The following DIAPH2 variants were observed in gnomAD, a reference collection of about 807,000 sequenced individuals.
The protein encoded by DIAPH2 is diaphanous related formin 2.
Under a neutral mutation model 92.7 loss-of-function variants are expected in DIAPH2, and 35 were observed. That is an observed-to-expected ratio of 0.38 (90% CI 0.29 to 0.50). DIAPH2 has a LOEUF of 0.50. Among genes scored for constraint, DIAPH2 ranks in the 20% least tolerant of loss-of-function variants. The probability of loss-of-function intolerance (pLI) is 0.94; values close to 1 mark genes in which losing one functional copy is unlikely to be tolerated. For synonymous variants in DIAPH2, 301 were observed against 280.4 expected (o/e 1.07, Z -0.73); for missense variants, 701 against 819.5 (o/e 0.86, Z 1.77).
chrX:96,814,418 C>T (rs1415454297), intron 4 of DIAPH2, among the ~76,000 whole-genome samples: 2 of 111,588 alleles, frequency 1.8e-5, no homozygotes, highest in African/African-American at 6.5e-5. Flanking sequence ...TCTAGTCAGC[C>T]ATTTGTCTAA....
At chrX:96,880,248 T>A (rs2065204594) in intron 4 of DIAPH2, among the ~76,000 whole-genome samples, 1 of 111,637 alleles carries the variant, frequency 9.0e-6, no homozygotes, top group Admixed American at 9.6e-5. Context: ...AATGTAGAAG[T>A]GAGACAGACA....
At chrX:97,134,610 G>T (rs142442038) in intron 21 of DIAPH2, among the ~76,000 whole-genome samples, 1,209 of 111,267 alleles carry the variant, frequency 0.011, 18 homozygotes, top group African/African-American at 0.036. Flanking sequence ...CCCCAAATTT[G>T]CATTTCTAAC....
intron 22 of DIAPH2, among the ~76,000 whole-genome samples, chrX:97,182,222 A>T (rs1005716395): frequency 4.5e-5 from 5 of 111,119 alleles, no homozygotes; most frequent in African/African-American, 1.6e-4. Context: ...AAACAATTAA[A>T]CTGAGATATA....
At chrX:97,367,129 A>G (rs1287868916) in intron 24 of DIAPH2, among the ~76,000 whole-genome samples, 1 of 111,933 alleles carries the variant, frequency 8.9e-6, no homozygotes, top group African/African-American at 3.2e-5. Flanking sequence ...TTATACCAAT[A>G]AATAAGGCAA....
chrX:97,585,714 A>C (rs1473256080), intron 26 of DIAPH2, among the ~76,000 whole-genome samples: 1 of 111,365 alleles, frequency 9.0e-6, no homozygotes, highest in Non-Finnish European at 1.9e-5. Flanking sequence ...TGGGAAATCC[A>C]AGTGTAAGTT....
At chrX:97,571,147 A>G (rs2071367238) in intron 26 of DIAPH2, among the ~76,000 whole-genome samples, 1 of 111,402 alleles carries the variant, frequency 9.0e-6, no homozygotes, top group African/African-American at 3.3e-5. Context: ...TATATGATGA[A>G]GGTAATAATA....
intron 4 of DIAPH2, among the ~76,000 whole-genome samples, chrX:96,830,892 C>A (rs1036964874): frequency 3.6e-5 from 4 of 111,352 alleles, no homozygotes; most frequent in African/African-American, 1.3e-4. Context: ...TTCGTGATAT[C>A]TACCAAAATT....
intron 13 of DIAPH2, 24 bp downstream of exon 13, chrX:96,942,160 C>T: frequency 1.1e-6 from 1 of 944,169 alleles, no homozygotes; most frequent in Non-Finnish European, 1.5e-6. Context: ...TCCTCATTGT[C>T]CTCTGATTGT....
At chrX:96,687,363 A>G (rs767995015) in intron 1 of DIAPH2, among the ~76,000 whole-genome samples, 117 of 112,169 alleles carry the variant, frequency 1.0e-3, no homozygotes, top group Non-Finnish European at 1.9e-3. Context: ...TTCATAAGGT[A>G]TAAGGCTTGT....
In DIAPH2 at chrX:97,380,860, T is replaced by G. The variant is rs951969857; in HGVS notation, c.3010-3049T>G. On this transcript the variant is annotated intron_variant, in intron 24 of 26. Transcript: ENST00000324765. ...CCTTTGTAGATGTTTTCATTTACTG[T>G]CAATAATGCCAAACCACAGAAATGG... is the stretch of plus-strand genomic sequence containing the variant. Among the ~76,000 whole-genome samples, 18 of 112,144 alleles carry G rather than the reference T, an allele frequency of 1.6e-4. No individual in the cohort carries two copies. The Admixed American group carries it at 1.7e-3, about 11-fold the overall frequency.
At chrX:96,798,887 T>C (rs888607674) in intron 4 of DIAPH2, among the ~76,000 whole-genome samples, 1 of 111,319 alleles carries the variant, frequency 9.0e-6, no homozygotes, top group African/African-American at 3.3e-5. Context: ...CTCTGACTGA[T>C]CAGAACTCAA....
intron 22 of DIAPH2, among the ~76,000 whole-genome samples, chrX:97,244,476 T>G (rs982062414): frequency 8.9e-6 from 1 of 111,869 alleles, no homozygotes; most frequent in Non-Finnish European, 1.9e-5. Context: ...TTTTCCCCAT[T>G]TTAGGTTCAT....
chrX:97,344,694 C>T (rs772473195), intron 23 of DIAPH2, among the ~76,000 whole-genome samples: 102 of 112,050 alleles, frequency 9.1e-4, no homozygotes, highest in Middle Eastern at 4.6e-3. Context: ...TTCAGGTTTC[C>T]TCACTTGGGT....
intron 4 of DIAPH2, among the ~76,000 whole-genome samples, chrX:96,872,099 A>G (rs1261079430): frequency 1.8e-5 from 2 of 111,870 alleles, no homozygotes; most frequent in Non-Finnish European, 3.8e-5. Flanking sequence ...CAGGCATACA[A>G]TGCATAATAA....
intron 4 of DIAPH2, among the ~76,000 whole-genome samples, chrX:96,815,093 G>A (rs774130930): frequency 4.4e-5 from 5 of 112,423 alleles, no homozygotes; most frequent in Non-Finnish European, 9.4e-5. Flanking sequence ...GTTTAAGTCT[G>A]TAGAAGTTTC....
intron 22 of DIAPH2, among the ~76,000 whole-genome samples, chrX:97,221,452 AAAT>A (rs1253079278): frequency 8.9e-6 from 1 of 112,205 alleles, no homozygotes; most frequent in African/African-American, 3.2e-5. Context: ...GGGTAAAAAT[AAAT>A]AATAACTTAT....
At chrX:97,265,540 CGTG>C (rs1453775200) in intron 23 of DIAPH2, among the ~76,000 whole-genome samples, 1 of 111,479 alleles carries the variant, frequency 9.0e-6, no homozygotes, top group Non-Finnish European at 1.9e-5. Context: ...GCCTTTTTGT[CGTG>C]GTGACGTTTG....
chrX:96,880,493 T>G (rs889442696), intron 4 of DIAPH2, among the ~76,000 whole-genome samples: 4 of 111,952 alleles, frequency 3.6e-5, no homozygotes, highest in Non-Finnish European at 7.5e-5. Flanking sequence ...TCATTTCTCA[T>G]TATTAACATT....
chrX:97,575,889 C>T (rs943615286), intron 26 of DIAPH2, among the ~76,000 whole-genome samples: 1 of 111,994 alleles, frequency 8.9e-6, no homozygotes. Context: ...ATTACTAACA[C>T]GTTGTGACCA....
Sources: allele counts gnomAD v4.1 joint callset (sites outside exome capture counted in the v4.1 genomes callset), GRCh38; gene constraint gnomAD v4.1.1; transcripts MANE v1.5; gene names NCBI Gene and HGNC (gene_info 2026-07-23, HGNC 2026-07-21).